MROH7: variants seen among roughly 807,000 people sequenced by gnomAD.
The protein encoded by MROH7 is maestro heat like repeat family member 7.
Under a neutral mutation model 129.2 loss-of-function variants are expected in MROH7, and 113 were observed. That is an observed-to-expected ratio of 0.87 (90% confidence interval 0.75 to 1.02). MROH7 has a LOEUF of 1.02. Among genes scored for constraint, MROH7 ranks in the 50% least tolerant of loss-of-function variants. The pLI is 0.00. For missense variants in MROH7, 1,601 were observed against 1,671.3 expected, an observed-to-expected ratio of 0.96 and a Z score of 0.73; for synonymous variants, 655 against 667.9, an observed-to-expected ratio of 0.98 and a Z score of 0.30.
chr1:54,666,327 CA>C lies in MROH7; in HGVS notation c.1305+1089del, dbSNP rs1234689531. 6.6e-5 allele frequency among the ~76,000 whole-genome samples: 10 copies of C among 151,958 alleles called. No individual in the cohort carries two copies. In the East Asian group the frequency reaches 1.9e-3, roughly 29 times the overall value. Reference sequence around the variant, plus strand: ...AAGCACAGAGTGATTACCTGCCCCCCAATGAGGGCTCAGAAACTTATATACC... The same window carrying C: ...AAGCACAGAGTGATTACCTGCCCCCCATGAGGGCTCAGAAACTTATATACC... On this transcript the variant is annotated intron_variant, in intron 4 of 23. Coordinates refer to ENST00000421030, the MANE Select transcript of MROH7 (RefSeq NM_001039464.4).
chr1:54,682,401 T>C (rs1645084706), intron 13 of MROH7, among the ~76,000 whole-genome samples: 3 of 151,908 alleles, frequency 2.0e-5, no homozygotes. Flanking sequence ...CTCCTGACCT[T>C]AGGTGATCCA....
At chr1:54,645,844 G>T (rs1024562977) in intron 1 of MROH7, among the ~76,000 whole-genome samples, 1 of 151,578 alleles carries the variant, frequency 6.6e-6, no homozygotes, top group Non-Finnish European at 1.5e-5. Context: ...GTAGGGATGG[G>T]ATTTTGCTAT....
chr1:54,694,754 C>T (rs1023446950), intron 16 of MROH7, among the ~76,000 whole-genome samples: 2 of 152,136 alleles, frequency 1.3e-5, no homozygotes, highest in Non-Finnish European at 1.5e-5. Flanking sequence ...TGAGCCACCG[C>T]GCCTGGCTTG....
At chr1:54,668,985 G>A (rs1356095558) in intron 5 of MROH7, 48 bp downstream of exon 5, 2 of 1,375,786 alleles carry the variant, frequency 1.5e-6, no homozygotes, top group Non-Finnish European at 2.1e-6. Flanking sequence ...GGAGGGGGCA[G>A]AATTCCTGAG....
At chr1:54,675,176 A>C (rs759208965) in intron 10 of MROH7, among the ~76,000 whole-genome samples, 1 of 152,090 alleles carries the variant, frequency 6.6e-6, no homozygotes, top group Non-Finnish European at 1.5e-5. Flanking sequence ...GGATTTCACC[A>C]TGTTGGCCAG....
chr1:54,650,981 T>G (rs1465536779), intron 1 of MROH7, among the ~76,000 whole-genome samples: 1 of 152,164 alleles, frequency 6.6e-6, no homozygotes, highest in Non-Finnish European at 1.5e-5. Context: ...TGCGTCCGCC[T>G]TCCAAAGTTC....
chr1:54,697,953 A>T (rs1244270742), intron 17 of MROH7: 3 of 406,176 alleles, frequency 7.4e-6, no homozygotes, highest in African/African-American at 6.0e-5. Flanking sequence ...CCTGACCAGC[A>T]GCCCTTCCGC....
rs1197657231 is a variant in MROH7, at chr1:54,703,633, T to C, written c.3564+888T>C. Among the ~76,000 whole-genome samples the C allele has an allele frequency of 1.3e-5, 2 of 152,088 alleles. No individual in the cohort carries two copies. Among genetic ancestry groups the C allele is most frequent in the Non-Finnish European group, 1.5e-5 (1 of 68,010 alleles). On this transcript the variant is annotated intron_variant, in intron 21 of 23. Coordinates refer to ENST00000421030, the MANE Select transcript of MROH7 (RefSeq NM_001039464.4). This position sits in a 1 kb window ranked among gnomAD's most constrained non-coding sequence, Gnocchi z 4.4. Reference sequence around the variant, plus strand: ...ATGAGGTAGGAGCAAGCCGCGTGCATGTGCGCGCGCGCATACACACACACA... The same window carrying C: ...ATGAGGTAGGAGCAAGCCGCGTGCACGTGCGCGCGCGCATACACACACACA...
At chr1:54,686,543 T>C in intron 15 of MROH7, 95 bp downstream of exon 15, 4 of 1,136,352 alleles carry the variant, frequency 3.5e-6, no homozygotes, top group Non-Finnish European at 5.0e-6. Context: ...AATCAATCAA[T>C]AGAAATCAGC....
intron 1 of MROH7, among the ~76,000 whole-genome samples, chr1:54,650,973 C>T (rs192187593): frequency 1.2e-3 from 185 of 152,226 alleles, no homozygotes; most frequent in Non-Finnish European, 2.2e-3. Flanking sequence ...AATCCTCCTG[C>T]GTCCGCCTTC....
At chr1:54,643,085 A>G (rs11590721) in intron 1 of MROH7, among the ~76,000 whole-genome samples, 1 of 152,160 alleles carries the variant, frequency 6.6e-6, no homozygotes, top group South Asian at 2.1e-4. Context: ...AATAGGGGTA[A>G]CAAGATAGCC....
intron 15 of MROH7, among the ~76,000 whole-genome samples, chr1:54,686,892 C>G (rs76564791): frequency 6.6e-6 from 1 of 152,116 alleles, no homozygotes; most frequent in Non-Finnish European, 1.5e-5. Context: ...CAACCAAGTT[C>G]TTCATGCCCT....
At chr1:54,709,772 T>G (rs1017208633) in intron 23 of MROH7, among the ~76,000 whole-genome samples, 174 bp from the exon 24 acceptor site, 25 of 152,020 alleles carry the variant, frequency 1.6e-4, no homozygotes, top group Non-Finnish European at 3.4e-4. Context: ...GAGGCAGGTT[T>G]TGATTCAGGC....
In MROH7 at chr1:54,667,679, C is replaced by T. The variant is rs554170172; in HGVS notation, c.1306-1175C>T. ...TCATATTGGTCAGACTGGTCTTGAA[C>T]TCCTGACCTCAGGTGATCTGCCCAC... is the stretch of plus-strand genomic sequence containing the variant. On this transcript the variant is annotated intron_variant, in intron 4 of 23. Coordinates refer to ENST00000421030, the MANE Select transcript of MROH7 (RefSeq NM_001039464.4). Among the ~76,000 whole-genome samples the T allele has an allele frequency of 3.9e-5, 6 of 152,066 alleles. 1 individual carries two copies. In the East Asian group the frequency reaches 7.8e-4, roughly 20 times the overall value.
intron 4 of MROH7, among the ~76,000 whole-genome samples, chr1:54,666,146 C>T (rs1446524750): frequency 6.6e-6 from 1 of 152,214 alleles, no homozygotes; most frequent in African/African-American, 2.4e-5. Context: ...CAGCACCTAC[C>T]ATGGCGCCTG....
chr1:54,643,902 A>G (rs1349997831), intron 1 of MROH7, among the ~76,000 whole-genome samples: 5 of 152,138 alleles, frequency 3.3e-5, no homozygotes, highest in Non-Finnish European at 7.4e-5. Flanking sequence ...TTTGGCCTCC[A>G]TAGTTTCAGA....
intron 5 of MROH7, among the ~76,000 whole-genome samples, chr1:54,670,293 A>G (rs1644876194): frequency 6.6e-6 from 1 of 152,116 alleles, no homozygotes; most frequent in Non-Finnish European, 1.5e-5. Context: ...ACATAGCAAG[A>G]CTCTGCCTCT....
chr1:54,709,117 G>A, intron 23 of MROH7, 41 bp downstream of exon 23: 3 of 1,585,656 alleles, frequency 1.9e-6, no homozygotes, highest in Non-Finnish European at 2.6e-6. Flanking sequence ...AGGGGACAGT[G>A]AGACAGTGAG....
At chr1:54,688,089 G>A (rs939206964) in intron 15 of MROH7, among the ~76,000 whole-genome samples, 3 of 151,564 alleles carry the variant, frequency 2.0e-5, no homozygotes, top group Admixed American at 1.3e-4. Context: ...ATGTGGTGGT[G>A]GGTGCCTATA....
Sources: allele counts gnomAD v4.1 joint callset (sites outside exome capture counted in the v4.1 genomes callset), GRCh38; gene constraint gnomAD v4.1.1; non-coding constraint Gnocchi (gnomAD v3.1); transcripts MANE v1.5; gene names NCBI Gene and HGNC (gene_info 2026-07-23, HGNC 2026-07-21).